Variants in SEM1 observed in about 807,000 individuals in gnomAD.
SEM1 encodes SEM1 26S proteasome subunit, also known as 26S proteasome complex subunit SEM1.
Under a neutral mutation model 12.7 loss-of-function variants are expected in SEM1, and 3 were observed. The ratio of observed to expected loss-of-function variants is 0.24; its 90% CI spans 0.11 to 0.61. SEM1 has a LOEUF of 0.61. Ranked by LOEUF, SEM1 falls within the 20% of genes least tolerant of loss-of-function variation. The pLI, the probability that SEM1 is intolerant of heterozygous loss-of-function variation, is 0.88. For missense variants in SEM1, 59 were observed against 81.3 expected, an observed-to-expected ratio of 0.73 and a Z score of 1.06; for synonymous variants, 30 against 27.8, an observed-to-expected ratio of 1.08 and a Z score of -0.25.
chr7:96,542,658 A>G (rs540504124), intron 2 of SEM1, among the ~76,000 whole-genome samples: 1 of 152,038 alleles, frequency 6.6e-6, no homozygotes, highest in South Asian at 2.1e-4. Context: ...AGATAGCATT[A>G]TTTTTATCTT....
At chr7:96,491,483 A>C (rs890527851) in intron 1 of SEM1, among the ~76,000 whole-genome samples, 5 of 152,220 alleles carry the variant, frequency 3.3e-5, no homozygotes, top group Non-Finnish European at 1.5e-5. Flanking sequence ...AAGTTTTCTC[A>C]CATCTTACTA....
chr7:96,564,524 A>G (rs1291411375), intron 2 of SEM1, among the ~76,000 whole-genome samples: 1 of 152,088 alleles, frequency 6.6e-6, no homozygotes, highest in Non-Finnish European at 1.5e-5. Flanking sequence ...TTTACTTGTT[A>G]AAAGGAAGAG....
intron 1 of SEM1, among the ~76,000 whole-genome samples, chr7:96,496,105 T>C (rs1803238948): frequency 1.3e-5 from 2 of 152,162 alleles, no homozygotes; most frequent in Admixed American, 1.3e-4. Flanking sequence ...CACTTCCTGT[T>C]GAGAAATATA....
chr7:96,589,907 G>A lies in SEM1; in HGVS notation c.171-83209C>T, dbSNP rs190906633. 1.4e-4 allele frequency among the ~76,000 whole-genome samples: 21 copies of A among 152,266 alleles called. No homozygotes were observed. The East Asian group carries it at 3.9e-3, about 28-fold the overall frequency. The stretch of plus-strand genomic sequence containing the variant: ...GACTTGAGTAATGGAAAGTGTTTTA[G>A]AGGGTCATGCACAAAAATAACAAAT... On this transcript the variant is annotated intron_variant and NMD_transcript_variant, in intron 2 of 3. Transcript: ENST00000466986.
intron 2 of SEM1, among the ~76,000 whole-genome samples, chr7:96,661,096 A>G (rs1346092425): frequency 1.3e-5 from 2 of 152,204 alleles, no homozygotes; most frequent in Admixed American, 6.5e-5. Flanking sequence ...TGGTATAATT[A>G]TCTCCATTTT....
chr7:96,542,675 T>G (rs918355613), intron 2 of SEM1, among the ~76,000 whole-genome samples: 5 of 151,870 alleles, frequency 3.3e-5, no homozygotes, highest in African/African-American at 9.7e-5. Flanking sequence ...TCTTTGAAAT[T>G]GGCAAAATTA....
At chr7:96,644,214 G>T (rs985368553) in intron 2 of SEM1, among the ~76,000 whole-genome samples, 1 of 152,100 alleles carries the variant, frequency 6.6e-6, no homozygotes, top group African/African-American at 2.4e-5. Context: ...TGTGGTGGAG[G>T]TGGGATTCCA....
At chr7:96,682,672 G>A (rs1209663116) in intron 2 of SEM1, among the ~76,000 whole-genome samples, 7 of 151,974 alleles carry the variant, frequency 4.6e-5, no homozygotes, top group Non-Finnish European at 1.0e-4. Flanking sequence ...ACTGACAAAT[G>A]GGATCTAATC....
intron 2 of SEM1, among the ~76,000 whole-genome samples, chr7:96,681,171 T>C (rs1214533624): frequency 2.0e-5 from 3 of 152,104 alleles, no homozygotes; most frequent in Non-Finnish European, 2.9e-5. Context: ...GAAAATCAAG[T>C]GGTGTGTGTC....
intron 1 of SEM1, chr7:96,695,593 A>T (rs376472474): frequency 6.6e-6 from 1 of 151,858 alleles, no homozygotes; most frequent in African/African-American, 2.4e-5. Flanking sequence ...AATAGAAATT[A>T]TCTATTTGAT....
At chr7:96,680,166 C>G (rs897041670) in intron 2 of SEM1, among the ~76,000 whole-genome samples, 9 of 152,066 alleles carry the variant, frequency 5.9e-5, no homozygotes, top group African/African-American at 1.4e-4. Context: ...CCAGGTGGAA[C>G]TGAAGTCGAA....
exon 3 of SEM1, chr7:96,673,740 A>G (rs772403534): frequency 2.6e-6 from 2 of 765,084 alleles, no homozygotes; most frequent in Non-Finnish European, 4.8e-6. Flanking sequence ...GGCCATGAAC[A>G]CATACAGGTT....
chr7:96,689,590 T>C (rs1027275437), intron 2 of SEM1, among the ~76,000 whole-genome samples: 1 of 152,224 alleles, frequency 6.6e-6, no homozygotes. Flanking sequence ...AGATAGACAT[T>C]TGTTCTCAAG....
downstream of SEM1, among the ~76,000 whole-genome samples, chr7:96,618,334 A>G (rs1807783112): frequency 6.6e-6 from 1 of 152,018 alleles, no homozygotes; most frequent in Admixed American, 6.5e-5. Flanking sequence ...TCGTTTTTTC[A>G]CTTTGACATT....
chr7:96,592,366 A>C (rs1806856151), intron 2 of SEM1, among the ~76,000 whole-genome samples: 1 of 152,100 alleles, frequency 6.6e-6, no homozygotes, highest in South Asian at 2.1e-4. Flanking sequence ...CCAAGACTGA[A>C]GTGAATAAGA....
chr7:96,663,712 C>T (rs992824647), intron 2 of SEM1, among the ~76,000 whole-genome samples: 1 of 152,060 alleles, frequency 6.6e-6, no homozygotes, highest in Non-Finnish European at 1.5e-5. Flanking sequence ...GGTTACCACA[C>T]ATACCAGAAA....
chr7:96,538,140 CTAGAT>C (rs1804844039), intron 2 of SEM1, among the ~76,000 whole-genome samples: 1 of 151,742 alleles, frequency 6.6e-6, no homozygotes, highest in Non-Finnish European at 1.5e-5. Flanking sequence ...TTTTATTTCT[CTAGAT>C]TATTTATTAG....
chr7:96,673,630 C>T, exon 3 of SEM1: 1 of 648,652 alleles, frequency 1.5e-6, no homozygotes, highest in African/African-American at 1.8e-5. Flanking sequence ...TGTAGCACCA[C>T]CCCACTCCCT....
At chr7:96,688,460 A>T (rs1448167885), downstream of SEM1, 3 of 152,348 alleles carry the variant, frequency 2.0e-5, no homozygotes, top group African/African-American at 7.2e-5. Flanking sequence ...CACCTTATAA[A>T]TGTCAGCAAA....
Sources: gnomAD v4.1 joint callset for allele counts (sites outside exome capture counted in the v4.1 genomes callset) on GRCh38, gnomAD v4.1.1 for gene constraint, MANE v1.5 for transcripts, NCBI Gene and HGNC (gene_info 2026-07-23, HGNC 2026-07-21) for gene names.